Variants in LGR5 observed in about 807,000 individuals in gnomAD.
The protein encoded by LGR5 is leucine-rich repeat-containing G protein-coupled receptor 5.
Under a neutral mutation model 76.7 loss-of-function variants are expected in LGR5, and 54 were observed. That is an observed-to-expected ratio of 0.70 (90% CI 0.57 to 0.88). LGR5 has a LOEUF of 0.88. Ranked by LOEUF, LGR5 falls within the 40% of genes least tolerant of loss-of-function variation. The probability of loss-of-function intolerance (pLI) is 0.00; values close to 1 mark genes in which losing one functional copy is unlikely to be tolerated. For missense variants in LGR5, 1,078 were observed against 1,073.3 expected (o/e 1.00, Z -0.06); for synonymous variants, 406 against 421.9 (o/e 0.96, Z 0.46).
At chr12:71,548,348 T>C (rs1432603114) in intron 4 of LGR5, among the ~76,000 whole-genome samples, 1 of 141,756 alleles carries the variant, frequency 7.1e-6, no homozygotes, top group African/African-American at 2.5e-5. Context: ...TACACATGCA[T>C]AGCAATAATA....
At position 71,580,344 on chromosome 12, in the gene LGR5, T is replaced by A; in HGVS notation, c.1473T>A (p.Ile491=). Residue 491 remains isoleucine (I), a synonymous_variant, in exon 16 of 18, where the codon ATT becomes ATA. Coordinates refer to ENST00000266674, the MANE Select transcript of LGR5 (RefSeq NM_003667.4). ...GAGTGTGTGAGAATGCCTATAAGAT[T>A]TCTAATCAATGGAATAAAGGTGACA... is the stretch of plus-strand genomic sequence containing the variant. The part of the protein sequence containing the change: ...AFGVCENAYK[I]SNQWNKGDNS... The A allele has an allele frequency of 6.2e-7, 1 of 1,613,998 alleles. No homozygotes were observed. Among genetic ancestry groups the A allele is most frequent in the Non-Finnish European group, 8.5e-7 (1 of 1,179,916 alleles).
At position 71,584,038 on chromosome 12, in the gene LGR5, T is replaced by G. The variant is rs764987166; in HGVS notation, c.2028T>G (p.Ala676=). ...VKYSAKFETK[A]PFSSLKVIIL... Reference sequence around the variant, plus strand: ...ATTCTGCAAAATTTGAAACGAAAGCTCCATTTTCTAGCCTGAAAGTAATCA... The same window carrying G: ...ATTCTGCAAAATTTGAAACGAAAGCGCCATTTTCTAGCCTGAAAGTAATCA... The change falls in exon 18 of 18, where the codon GCT becomes GCG. Residue 676 remains alanine (A), a synonymous_variant. Transcript: ENST00000266674. 1.9e-5 allele frequency: 30 copies of G among 1,614,068 alleles called. No homozygotes were observed. The highest frequency in any genetic ancestry group is 2.5e-5 in the Non-Finnish European group (29 of 1,180,040).
intron 1 of LGR5, among the ~76,000 whole-genome samples, chr12:71,483,509 G>C (rs905409542): frequency 6.6e-6 from 1 of 152,142 alleles, no homozygotes; most frequent in Non-Finnish European, 1.5e-5. Context: ...GAGTGAAAAT[G>C]ATCACACAAA....
chr12:71,557,249 C>T (rs1877817657), intron 6 of LGR5, among the ~76,000 whole-genome samples: 2 of 152,180 alleles, frequency 1.3e-5, no homozygotes, highest in African/African-American at 4.8e-5. Flanking sequence ...CATGCCACTG[C>T]ACTCCAACCT....
intron 4 of LGR5, among the ~76,000 whole-genome samples, chr12:71,536,033 A>C (rs1017786763): frequency 6.6e-6 from 1 of 152,228 alleles, no homozygotes; most frequent in African/African-American, 2.4e-5. Context: ...ATTAGAATGT[A>C]TAAGTGTTTA....
upstream of LGR5, chr12:71,439,769 T>TA (rs1229427270): frequency 6.0e-6 from 2 of 335,098 alleles, no homozygotes; most frequent in African/African-American, 4.3e-5. Flanking sequence ...TGGAGCGCTT[T>TA]AAAAAACGAG....
rs1871709430 is a variant in LGR5 at position 71,440,397 on chromosome 12, G to C, written c.212+105G>C. On this transcript the variant is annotated intron_variant, in intron 1 of 17. Transcript: ENST00000266674. The surrounding 1 kb of genome is among the most constrained non-coding windows in gnomAD (Gnocchi z 5.3). ...TCGGCGCCCGCCTGCTCGTGGGGGA[G>C]GGGGGCGAGTTTGTCAAGGGCATCC... 1 of 1,121,120 alleles carries C rather than the reference G, an allele frequency of 8.9e-7. No homozygotes were observed. The highest frequency in any genetic ancestry group is 1.3e-6 in the Non-Finnish European group (1 of 765,028). The allele number at this position is 1,121,120 out of a possible 1,614,324, so 69.4% of individuals were successfully genotyped here. A position where few individuals can be genotyped will look rare whatever the true frequency, so the allele number is the denominator to read the frequency against.
At chr12:71,443,826 G>T (rs1021104489) in intron 1 of LGR5, among the ~76,000 whole-genome samples, 7 of 151,956 alleles carry the variant, frequency 4.6e-5, no homozygotes, top group African/African-American at 1.7e-4. Flanking sequence ...AAAGAAAACT[G>T]AATTTTTCTT....
intron 15 of LGR5, among the ~76,000 whole-genome samples, chr12:71,579,874 G>A (rs1242772278): frequency 6.6e-6 from 1 of 152,100 alleles, no homozygotes; most frequent in Admixed American, 6.5e-5. Context: ...TTCTTTCCAA[G>A]CTTTGTTTCC....
At chr12:71,520,996 T>C (rs1407109710) in intron 2 of LGR5, among the ~76,000 whole-genome samples, 1 of 152,214 alleles carries the variant, frequency 6.6e-6, no homozygotes, top group Non-Finnish European at 1.5e-5. Flanking sequence ...AGTAAAAATA[T>C]GCATAGCCAA....
chr12:71,556,772 C>A, intron 6 of LGR5, 82 bp downstream of exon 6: 1 of 1,125,970 alleles, frequency 8.9e-7, no homozygotes, highest in Non-Finnish European at 1.4e-6. Flanking sequence ...TAAAGCCAGA[C>A]TTTGTTTGGT....
At chr12:71,569,463 G>GA (rs1199006857) in intron 11 of LGR5, among the ~76,000 whole-genome samples, 6 of 151,878 alleles carry the variant, frequency 4.0e-5, no homozygotes, top group African/African-American at 1.5e-4. Flanking sequence ...AAATTTACAA[G>GA]AAAAAAACAA....
At chr12:71,573,886 G>T (rs1482861438) in intron 13 of LGR5, among the ~76,000 whole-genome samples, 1 of 146,270 alleles carries the variant, frequency 6.8e-6, no homozygotes, top group Non-Finnish European at 1.5e-5. Flanking sequence ...ACTTTTGGTT[G>T]AAATCTACTT....
intron 9 of LGR5, 45 bp from the exon 10 acceptor site, chr12:71,566,587 G>C (rs767450241): frequency 6.4e-7 from 1 of 1,563,452 alleles, no homozygotes; most frequent in South Asian, 1.1e-5. Flanking sequence ...AATTACCCCT[G>C]TCTAGAATCT....
chr12:71,452,305 C>A (rs778762897), intron 1 of LGR5, among the ~76,000 whole-genome samples: 1 of 152,146 alleles, frequency 6.6e-6, no homozygotes, highest in Non-Finnish European at 1.5e-5. Flanking sequence ...TTTAAAACAC[C>A]CTGTGTCCAT....
intron 13 of LGR5, 198 bp downstream of exon 13, chr12:71,573,119 C>T (rs1878690337): frequency 2.2e-6 from 1 of 458,640 alleles, no homozygotes; most frequent in East Asian, 3.6e-5. Flanking sequence ...ATTATGCTCT[C>T]TACCAGTCAG....
intron 1 of LGR5, among the ~76,000 whole-genome samples, chr12:71,456,371 T>C (rs1270291791): frequency 6.6e-6 from 1 of 152,192 alleles, no homozygotes; most frequent in Admixed American, 6.5e-5. Context: ...GACCAGGGTA[T>C]GGTTTGTGAA....
At chr12:71,455,215 C>G (rs11178807) in intron 1 of LGR5, among the ~76,000 whole-genome samples, 9,136 of 152,216 alleles carry the variant, frequency 0.06, 952 homozygotes, top group African/African-American at 0.21. Context: ...AACCACTGAT[C>G]TGGGCCCAGC....
intron 4 of LGR5, 26 bp from the exon 5 acceptor site, chr12:71,553,047 C>G (rs779967501): frequency 1.9e-6 from 3 of 1,607,868 alleles, no homozygotes; most frequent in Non-Finnish European, 1.7e-6. Context: ...GCTCTCTTTT[C>G]CATTCTTGCT....
Sources: allele counts gnomAD v4.1 joint callset (sites outside exome capture counted in the v4.1 genomes callset), GRCh38; gene constraint gnomAD v4.1.1; non-coding constraint Gnocchi (gnomAD v3.1); transcripts MANE v1.5; gene names NCBI Gene and HGNC (gene_info 2026-07-23, HGNC 2026-07-21).